Variants in UIMC1 observed in about 807,000 individuals in gnomAD.
The protein encoded by UIMC1 is BRCA1-A complex subunit RAP80.
In UIMC1, 42 loss-of-function variants were observed where a neutral mutation model predicts 84.9. That is an observed-to-expected ratio of 0.49 (90% CI 0.39 to 0.64). The LOEUF (loss-of-function observed/expected upper bound fraction) is 0.64. Ranked by LOEUF, UIMC1 falls within the 30% of genes least tolerant of loss-of-function variation. The probability of loss-of-function intolerance (pLI) is 0.00; values close to 1 mark genes in which losing one functional copy is unlikely to be tolerated. For synonymous variants in UIMC1, 281 were observed against 293.0 expected (o/e 0.96, Z 0.42); for missense variants, 825 against 847.6 (o/e 0.97, Z 0.33).
rs1401077375 is a variant in UIMC1, at chr5:176,977,597, AG to A, written c.148-2118del. Among the ~76,000 whole-genome samples the A allele has an allele frequency of 4.5e-3, 516 of 114,100 alleles. 17 individuals carry two copies. The highest frequency in any genetic ancestry group is 0.021 in the African/African-American group (345 of 16,814). 74.9% of individuals were successfully genotyped at this position (114,100 alleles called of 152,430 possible). ...GACTCCATCTCAAAAAAAAAAAAAA[AG>A]AAAAGAAAAAAAAAAACAGAAACAA... On this transcript the variant is annotated intron_variant, in intron 2 of 14. Transcript: ENST00000511320.
At chr5:176,905,541 C>T (rs1315725173) in intron 14 of UIMC1, 49 bp from the exon 15 acceptor site, 1 of 1,547,590 alleles carries the variant, frequency 6.5e-7, no homozygotes, top group East Asian at 2.2e-5. Context: ...TACTAAGCAT[C>T]AAGGACATGC....
chr5:176,982,708 T>TA (rs1384285707), intron 1 of UIMC1, 85 bp from the exon 2 acceptor site: 17 of 1,442,526 alleles, frequency 1.2e-5, no homozygotes, highest in Admixed American at 2.6e-5. Context: ...CTATTCAACT[T>TA]AGTCTTTTTT....
intron 1 of UIMC1, among the ~76,000 whole-genome samples, chr5:177,002,568 G>A (rs28404309): frequency 0.098 from 14,921 of 152,180 alleles, 1,529 homozygotes; most frequent in African/African-American, 0.26. Flanking sequence ...TTGGGAGGCC[G>A]AGGCAGGTGG....
Position 176,943,368 on chromosome 5 carries a change from T to A in UIMC1, c.1564A>T (p.Met522Leu). 1 of 1,614,162 alleles carries A rather than the reference T, an allele frequency of 6.2e-7. No individual in the cohort carries two copies. The change falls in exon 10 of 15, where the codon ATG becomes TTG. Residue 522 changes from methionine to leucine, a missense_variant. Transcript: ENST00000511320. ...FPPTKIERHA[M>L]YCNGLMEEDT... ...TCCTCCATCAGACCATTGCAGTACA[T>A]GGCATGTCGTTCAATCTTTGTGGGT...
At chr5:176,922,336 TG>T (rs1387855272) in intron 10 of UIMC1, among the ~76,000 whole-genome samples, 1 of 152,198 alleles carries the variant, frequency 6.6e-6, no homozygotes. Context: ...AACAACACAG[TG>T]ATCTTCTGAA....
chr5:176,991,983 G>T (rs540866313), intron 1 of UIMC1, among the ~76,000 whole-genome samples: 2 of 152,188 alleles, frequency 1.3e-5, no homozygotes, highest in African/African-American at 4.8e-5. Context: ...TTAGCCAGGT[G>T]TGGTGGTGCA....
chr5:176,907,283 G>C, intron 12 of UIMC1, 106 bp from the exon 13 acceptor site: 2 of 1,087,496 alleles, frequency 1.8e-6, no homozygotes, highest in Non-Finnish European at 2.7e-6. Context: ...AGGTGTGGGG[G>C]CCACAGCTCT....
intron 1 of UIMC1, among the ~76,000 whole-genome samples, chr5:176,996,114 G>A (rs563915077): frequency 1.3e-5 from 2 of 151,988 alleles, no homozygotes; most frequent in Admixed American, 6.6e-5. Context: ...ACAATAAAAC[G>A]GAACAAACTA....
At chr5:176,920,609 GTTCA>G (rs1761587614) in intron 10 of UIMC1, among the ~76,000 whole-genome samples, 1 of 152,090 alleles carries the variant, frequency 6.6e-6, no homozygotes, top group African/African-American at 2.4e-5. Context: ...CAAAAATACA[GTTCA>G]TTTTCTATAT....
intron 1 of UIMC1, among the ~76,000 whole-genome samples, chr5:177,003,788 TCA>T (rs1276357938): frequency 2.0e-5 from 3 of 152,142 alleles, no homozygotes; most frequent in African/African-American, 4.8e-5. Flanking sequence ...GGAAAACCTC[TCA>T]CACAGAGTAG....
Position 176,982,532 on chromosome 5 carries a change from G to C in UIMC1, c.84C>G (p.Val28=). 1 of 1,614,098 alleles carries C rather than the reference G, an allele frequency of 6.2e-7. No homozygotes were observed. Among genetic ancestry groups the C allele is most frequent in the Non-Finnish European group, 8.5e-7 (1 of 1,180,010 alleles). ...CAAGTCTACGCTTCCTCTTCACACT[G>C]ACAGAACTGGTAGTTTCCACATCCT... ...EKKDVETTSS[V]SVKRKRRLED... is the part of the protein sequence containing the mutation. The change falls in exon 2 of 15, where the codon GTC becomes GTG. Residue 28 remains valine, a synonymous_variant. Coordinates refer to ENST00000511320, the MANE Select transcript of UIMC1 (RefSeq NM_001199298.2).
At chr5:176,971,504 C>A (rs538124973) in intron 3 of UIMC1, among the ~76,000 whole-genome samples, 3 of 152,160 alleles carry the variant, frequency 2.0e-5, no homozygotes, top group Non-Finnish European at 4.4e-5. Flanking sequence ...AGAGTCATAT[C>A]GAAAGAACTT....
intron 1 of UIMC1, among the ~76,000 whole-genome samples, chr5:177,016,777 C>T (rs371659177): frequency 1.3e-5 from 2 of 151,954 alleles, no homozygotes; most frequent in African/African-American, 4.8e-5. Flanking sequence ...AATCCCAGAA[C>T]TTTGGGAGGC....
chr5:176,998,178 A>G (rs377386700), intron 1 of UIMC1, among the ~76,000 whole-genome samples: 9 of 152,182 alleles, frequency 5.9e-5, no homozygotes, highest in African/African-American at 2.2e-4. Context: ...GTGGCAAATG[A>G]TAGGGGATCA....
intron 1 of UIMC1, among the ~76,000 whole-genome samples, chr5:176,983,594 T>C (rs911993639): frequency 6.6e-5 from 10 of 151,886 alleles, no homozygotes; most frequent in Admixed American, 5.9e-4. Context: ...AACCTCCACC[T>C]CCCAGCCGCC....
intron 1 of UIMC1, among the ~76,000 whole-genome samples, chr5:176,994,501 C>T (rs886135238): frequency 5.8e-5 from 7 of 121,466 alleles, no homozygotes; most frequent in Admixed American, 1.9e-4. Context: ...GGAAAACTGG[C>T]AGTTTCTTTA....
chr5:176,922,929 C>G (rs190275517), intron 10 of UIMC1, among the ~76,000 whole-genome samples: 1 of 152,296 alleles, frequency 6.6e-6, no homozygotes, highest in Non-Finnish European at 1.5e-5. Context: ...TTTGAGTAGG[C>G]AGGGGGCCTC....
At chr5:176,914,865 C>T (rs1760766511) in intron 10 of UIMC1, among the ~76,000 whole-genome samples, 1 of 152,140 alleles carries the variant, frequency 6.6e-6, no homozygotes, top group Admixed American at 6.5e-5. Context: ...AGCCTCAAAT[C>T]CACCTCCTAT....
chr5:177,008,853 T>G (rs1382319259), upstream of UIMC1, among the ~76,000 whole-genome samples: 3 of 152,122 alleles, frequency 2.0e-5, no homozygotes, highest in East Asian at 5.8e-4. Context: ...AAGTTCTCAA[T>G]TTGCTCACTC....
Sources: allele counts gnomAD v4.1 joint callset (sites outside exome capture counted in the v4.1 genomes callset), GRCh38; gene constraint gnomAD v4.1.1; transcripts MANE v1.5; gene names NCBI Gene and HGNC (gene_info 2026-07-23, HGNC 2026-07-21).